The following PARS2 variants were observed in gnomAD, a reference collection of about 807,000 sequenced individuals.
PARS2 encodes the protein probable proline--tRNA ligase, mitochondrial.
In PARS2, 20 loss-of-function variants were observed where a neutral mutation model predicts 27.4. The ratio of observed to expected loss-of-function variants is 0.73; its 90% CI spans 0.51 to 1.06. PARS2 has a LOEUF of 1.06. Among genes scored for constraint, PARS2 ranks in the 50% least tolerant of loss-of-function variants. The pLI is 0.00. For synonymous variants in PARS2, 240 were observed against 247.1 expected, an observed-to-expected ratio of 0.97 and a Z score of 0.27; for missense variants, 585 against 602.1, an observed-to-expected ratio of 0.97 and a Z score of 0.30.
Position 54,762,559 on chromosome 1 carries a change from G to A in PARS2, c.-30+1902C>T, listed in dbSNP as rs543405603. Among the ~76,000 whole-genome samples, 7 of 152,316 alleles carry A rather than the reference G, an allele frequency of 4.6e-5. No homozygotes were observed. The South Asian group carries it at 1.4e-3, about 32-fold the overall frequency. On this transcript the variant is annotated intron_variant, in intron 1 of 1. Transcript: ENST00000371279. ...TTCCCAGGTGACACAGATGCTGCTG[G>A]TCCAGGGACCCCACTGGGAGAACCA... is the stretch of plus-strand genomic sequence containing the variant.
chr1:54,760,752 C>T lies in PARS2; in HGVS notation c.-29-1562G>A, dbSNP rs982031795. ...CCCTTGGGCCTCATCTCACCACTGC[C>T]CCCTCTCTGATCAGGCTTTGCCACG... On this transcript the variant is annotated intron_variant, in intron 1 of 1. Coordinates refer to ENST00000371279, the MANE Select transcript of PARS2 (RefSeq NM_152268.4). Among the ~76,000 whole-genome samples the T allele has an allele frequency of 3.3e-5, 5 of 152,120 alleles. No homozygotes were observed. In the East Asian group the frequency reaches 5.8e-4, roughly 18 times the overall value.
In PARS2 at chr1:54,759,172, C is replaced by T. The variant is rs574989643; in HGVS notation, c.-11G>A. On this transcript the variant is annotated 5_prime_UTR_variant, in exon 2 of 2. Coordinates refer to ENST00000371279, the MANE Select transcript of PARS2 (RefSeq NM_152268.4). ...CAGCAGCCCTTCCATGACACCCTGG[C>T]ACCGGGAAGCACAGGCACCTGAGGA... The T allele has an allele frequency of 6.4e-7, 1 of 1,564,288 alleles. No homozygotes were observed. Among genetic ancestry groups the T allele is most frequent in the South Asian group, 1.2e-5 (1 of 84,602 alleles).
intron 1 of PARS2, among the ~76,000 whole-genome samples, chr1:54,764,186 A>C (rs1447415957): frequency 6.6e-6 from 1 of 152,222 alleles, no homozygotes; most frequent in Non-Finnish European, 1.5e-5. Context: ...AGGTGGTCCC[A>C]GGGCCTTTCC....
chr1:54,757,897 A>T lies in PARS2; in HGVS notation c.1265T>A (p.Leu422Gln), dbSNP rs558980626. ...GTAGCCAAACTTGTTGGCATCTTTCAGTCTGTTTCCGATGGTCAGATGGGT... is the reference window on the plus strand; with the variant it reads ...GTAGCCAAACTTGTTGGCATCTTTCTGTCTGTTTCCGATGGTCAGATGGGT... ...DRTHLTIGNR[L>Q]KDANKFGYPF... Residue 422 changes from leucine (L) to glutamine (Q), a missense_variant, in exon 2 of 2, where the codon CTG becomes CAG. By Grantham distance (113) the Leu-to-Gln change is moderately radical. Coordinates refer to ENST00000371279, the MANE Select transcript of PARS2 (RefSeq NM_152268.4). 5 of 1,614,186 alleles carry T rather than the reference A, an allele frequency of 3.1e-6. No individual in the cohort carries two copies. In the Admixed American group the frequency reaches 6.7e-5, roughly 22 times the overall value.
At position 54,758,757 on chromosome 1, in the gene PARS2, G is replaced by T; in HGVS notation, c.405C>A (p.Asp135Glu). Residue 135 changes from aspartate to glutamate, a missense_variant, in exon 2 of 2, where the codon GAC (aspartate) becomes GAA (glutamate). Transcript: ENST00000371279. ...GTCTTAGCAGCTCTTTGCCCATCAAGTCCCACCGGTTGGTGGCTTGCCAGA... is the reference window on the plus strand; with the variant it reads ...GTCTTAGCAGCTCTTTGCCCATCAATTCCCACCGGTTGGTGGCTTGCCAGA... Reference protein sequence around the residue: ...AELWQATNRWDLMGKELLRLR... With the variant: ...AELWQATNRWELMGKELLRLR... The T allele has an allele frequency of 6.2e-7, 1 of 1,614,192 alleles. No individual in the cohort carries two copies. Among genetic ancestry groups the T allele is most frequent in the Non-Finnish European group, 8.5e-7 (1 of 1,180,042 alleles).
At chr1:54,763,476 T>C (rs1433491685) in intron 1 of PARS2, among the ~76,000 whole-genome samples, 2 of 152,234 alleles carry the variant, frequency 1.3e-5, no homozygotes, top group Non-Finnish European at 2.9e-5. Flanking sequence ...TAGGCTATTA[T>C]TATCTGTTGA....
chr1:54,759,263 G>A (rs1317683222), intron 1 of PARS2, 73 bp from the exon 2 acceptor site: 2 of 901,278 alleles, frequency 2.2e-6, no homozygotes, highest in Non-Finnish European at 1.6e-6. Context: ...AACCCAGCCT[G>A]CTCTCAACAA....
chr1:54,758,869 A>AT lies in PARS2; in HGVS notation c.292dup (p.Met98AsnfsTer48). ...GTCTATCACTCGCACGAGCTTCTCC[A>AT]TGGCACGGACGGTATATGGCAGGAG... On this transcript the variant is annotated frameshift_variant, in exon 2 of 2. Coordinates refer to ENST00000371279, the MANE Select transcript of PARS2 (RefSeq NM_152268.4). LOFTEE classifies it high-confidence loss of function. The AT allele has an allele frequency of 1.2e-6, 2 of 1,614,164 alleles. No individual in the cohort carries two copies. Among genetic ancestry groups the AT allele is most frequent in the Non-Finnish European group, 1.7e-6 (2 of 1,180,020 alleles).
In PARS2 at chr1:54,758,650, T is replaced by G; in HGVS notation, c.512A>C (p.Lys171Thr). Residue 171 changes from lysine to threonine, a missense_variant, in exon 2 of 2, where the codon AAA becomes ACA. Lys to Thr is a moderately conservative substitution (Grantham distance 78). Coordinates refer to ENST00000371279, the MANE Select transcript of PARS2 (RefSeq NM_152268.4). Reference sequence around the variant, plus strand: ...GAAGGGAAGCTGCTTGTAGGACAGTTTCTTCTGGGAGGCAATTAAGGCCGT... The same window carrying G: ...GAAGGGAAGCTGCTTGTAGGACAGTGTCTTCTGGGAGGCAATTAAGGCCGT... ...AITALIASQK[K>T]LSYKQLPFLL... The G allele has an allele frequency of 6.2e-7, 1 of 1,614,184 alleles. No individual in the cohort carries two copies. Among genetic ancestry groups the G allele is most frequent in the Non-Finnish European group, 8.5e-7 (1 of 1,180,036 alleles).
At chr1:54,761,475 G>C (rs1055808119) in intron 1 of PARS2, among the ~76,000 whole-genome samples, 3 of 152,124 alleles carry the variant, frequency 2.0e-5, no homozygotes, top group Non-Finnish European at 4.4e-5. Context: ...ATCAGTAGTT[G>C]GTTTTCTCTG....
intron 1 of PARS2, among the ~76,000 whole-genome samples, chr1:54,761,218 C>T (rs976680200): frequency 6.6e-5 from 10 of 152,190 alleles, no homozygotes; most frequent in African/African-American, 1.4e-4. Context: ...CCCCATACCC[C>T]CAAAGGGCTG....
rs1646138283 is a variant in PARS2 at position 54,758,913 on chromosome 1, T to G, written c.249A>C (p.Ala83=). The change falls in exon 2 of 2, where the codon GCA becomes GCC. Residue 83 remains alanine (A), a synonymous_variant. Coordinates refer to ENST00000371279, the MANE Select transcript of PARS2 (RefSeq NM_152268.4). ...LMLQVGLIYP[A]SPGCYHLLPY... ...GCAGGAGGTGGTAACAGCCGGGGCT[T>G]GCTGGGTAGATCAGGCCCACCTGCA... The G allele has an allele frequency of 6.2e-7, 1 of 1,614,088 alleles. No homozygotes were observed. The highest frequency in any genetic ancestry group is 8.5e-7 in the Non-Finnish European group (1 of 1,180,022).
intron 1 of PARS2, 93 bp from the exon 2 acceptor site, chr1:54,759,283 G>A: frequency 1.5e-6 from 1 of 684,490 alleles, no homozygotes; most frequent in Non-Finnish European, 2.4e-6. Context: ...AACTTCGAAG[G>A]CAGCCACTGA....
chr1:54,757,875 G>T lies in PARS2; in HGVS notation c.1287C>A (p.Gly429=). ...TGCCAGCGATTATCACAAAGGGGTA[G>T]CCAAACTTGTTGGCATCTTTCAGTC... ...GNRLKDANKF[G]YPFVIIAGKR... The change falls in exon 2 of 2, where the codon GGC becomes GGA. Residue 429 remains glycine (G), a synonymous_variant. Transcript: ENST00000371279. The T allele has an allele frequency of 6.2e-7, 1 of 1,614,194 alleles. No homozygotes were observed. The highest frequency in any genetic ancestry group is 2.2e-5 in the East Asian group (1 of 44,872).
rs1456905523 is a variant in PARS2 at position 54,758,274 on chromosome 1, C to T, written c.888G>A (p.Gln296=). Reference sequence around the variant, plus strand: ...TGCCTTTGGTTTTAGTCAATGGGCCCTGGCAAGCAGGGCAGTTCATTTGTG... The same window carrying T: ...TGCCTTTGGTTTTAGTCAATGGGCCTTGGCAAGCAGGGCAGTTCATTTGTG... ...DLSQMNCPAC[Q]GPLTKTKGIE... Residue 296 remains glutamine, a synonymous_variant, in exon 2 of 2, where the codon CAG becomes CAA. Transcript: ENST00000371279. 3 of 1,614,220 alleles carry T rather than the reference C, an allele frequency of 1.9e-6. No individual in the cohort carries two copies. The highest frequency in any genetic ancestry group is 2.5e-6 in the Non-Finnish European group (3 of 1,180,052).
At chr1:54,764,201 C>CTGGCACTTCGAGAACTGTG (rs1267491903) in intron 1 of PARS2, among the ~76,000 whole-genome samples, 2 of 152,204 alleles carry the variant, frequency 1.3e-5, no homozygotes, top group Non-Finnish European at 2.9e-5. Context: ...CTTTCCAGAG[C>CTGGCACTTCGAGAACTGTG]TGGCACTTCG....
In PARS2 at chr1:54,757,418, T is replaced by A. The variant is rs1169300100; in HGVS notation, c.*316A>T. ...ACTCAGCTGAGAGAAGGGAAGTGAC[T>A]TCCCCCCTCAGGGTAACACCCAGGA... On this transcript the variant is annotated 3_prime_UTR_variant, in exon 2 of 2. Coordinates refer to ENST00000371279, the MANE Select transcript of PARS2 (RefSeq NM_152268.4). 4.3e-6 allele frequency: 1 copy of A among 231,142 alleles called. No individual in the cohort carries two copies. The highest frequency in any genetic ancestry group is 8.3e-6 in the Non-Finnish European group (1 of 119,786). 14.3% of individuals were successfully genotyped at this position (231,142 alleles called of 1,614,324 possible). A position where few individuals can be genotyped will look rare whatever the true frequency, so the allele number is the denominator to read the frequency against.
intron 1 of PARS2, among the ~76,000 whole-genome samples, chr1:54,762,471 A>T (rs1646163170): frequency 6.6e-6 from 1 of 152,192 alleles, no homozygotes; most frequent in South Asian, 2.1e-4. Context: ...GCAGAGGCCC[A>T]TCTCCAGAGC....
At chr1:54,762,008 TA>T (rs1343760279) in intron 1 of PARS2, among the ~76,000 whole-genome samples, 1 of 152,238 alleles carries the variant, frequency 6.6e-6, no homozygotes, top group African/African-American at 2.4e-5. Context: ...AGGTTTCCCT[TA>T]AGTCCACCCC....
Sources: gnomAD v4.1 joint callset for allele counts (sites outside exome capture counted in the v4.1 genomes callset) on GRCh38, gnomAD v4.1.1 for gene constraint, MANE v1.5 for transcripts, NCBI Gene and HGNC (gene_info 2026-07-23, HGNC 2026-07-21) for gene names.